The following DZANK1 variants were observed in gnomAD, a reference collection of about 807,000 sequenced individuals.
DZANK1 encodes double zinc ribbon and ankyrin repeat-containing protein 1.
A neutral mutation model predicts 94.5 loss-of-function variants in DZANK1; 91 were observed. The observed-to-expected ratio is 0.96, with a 90% confidence interval of 0.81 to 1.15. DZANK1 has a LOEUF of 1.15. DZANK1 is among the 50% of genes most tolerant of loss of function. DZANK1 has a pLI of 0.00. For missense variants in DZANK1, 903 were observed against 916.4 expected (o/e 0.99, Z 0.19); for synonymous variants, 312 against 325.3 (o/e 0.96, Z 0.44).
exon 12 of DZANK1, chr20:18,414,488 C>A (rs764008629): frequency 6.2e-7 from 1 of 1,611,500 alleles, no homozygotes; most frequent in South Asian, 1.1e-5. Flanking sequence ...TTAGGGCAAA[C>A]AGAACAGCCA....
chr20:18,454,188 C>T (rs2059204045), intron 4 of DZANK1: 1 of 372,350 alleles, frequency 2.7e-6, no homozygotes. Context: ...GACTTCTGCA[C>T]ACCACCTGCC....
chr20:18,396,665 CA>C, intron 14 of DZANK1, 119 bp from the exon 15 acceptor site: 1 of 646,856 alleles, frequency 1.5e-6, no homozygotes, highest in Non-Finnish European at 2.6e-6. Flanking sequence ...TTAATTAACA[CA>C]GAAGAAAGTA....
chr20:18,456,716 G>T (rs1264733054), intron 3 of DZANK1, among the ~76,000 whole-genome samples: 1 of 150,382 alleles, frequency 6.6e-6, no homozygotes, highest in Non-Finnish European at 1.5e-5. Context: ...GTTTTTTTTT[G>T]GAGACTCATC....
intron 10 of DZANK1, among the ~76,000 whole-genome samples, chr20:18,419,477 A>G (rs981154052): frequency 6.6e-6 from 1 of 152,200 alleles, no homozygotes; most frequent in Admixed American, 6.5e-5. Flanking sequence ...ACTTCACACT[A>G]AAGCACATTA....
chr20:18,414,114 G>C (rs1317798041), intron 12 of DZANK1, among the ~76,000 whole-genome samples: 1 of 152,212 alleles, frequency 6.6e-6, no homozygotes, highest in East Asian at 1.9e-4. Context: ...TTCAAGAGAA[G>C]TGCATTCTGT....
At chr20:18,448,888 T>TGG in intron 7 of DZANK1, 96 bp downstream of exon 7, 1 of 861,434 alleles carries the variant, frequency 1.2e-6, no homozygotes, top group Non-Finnish European at 1.7e-6. Context: ...AAAAAAAAAG[T>TGG]TGGAGGTGGG....
exon 16 of DZANK1, chr20:18,394,329 C>T (rs764727287): frequency 1.2e-6 from 2 of 1,613,754 alleles, no homozygotes; most frequent in Non-Finnish European, 1.7e-6. Context: ...CTGAAATTCA[C>T]TGCCTTGTTC....
intron 3 of DZANK1, among the ~76,000 whole-genome samples, chr20:18,457,547 T>A (rs2059332074): frequency 6.6e-6 from 1 of 152,110 alleles, no homozygotes; most frequent in Non-Finnish European, 1.5e-5. Context: ...GTATAAGCAG[T>A]CTAGAGCTAG....
chr20:18,438,971 T>C (rs2058632003), intron 8 of DZANK1, among the ~76,000 whole-genome samples: 1 of 152,194 alleles, frequency 6.6e-6, no homozygotes, highest in East Asian at 1.9e-4. Flanking sequence ...GGGGTTGGGA[T>C]TTCAACATAC....
At chr20:18,430,204 A>G (rs1457107185) in intron 9 of DZANK1, among the ~76,000 whole-genome samples, 10 of 152,180 alleles carry the variant, frequency 6.6e-5, no homozygotes, top group Admixed American at 2.0e-4. Context: ...CTTAATCTCA[A>G]AACTGACTAA....
At chr20:18,420,364 G>A (rs1209359000) in intron 10 of DZANK1, 5 of 168,100 alleles carry the variant, frequency 3.0e-5, no homozygotes, top group South Asian at 1.6e-4. Flanking sequence ...CCTTGAAAAC[G>A]TCATCCTCAG....
At chr20:18,448,727 C>T (rs1313970781) in intron 7 of DZANK1, among the ~76,000 whole-genome samples, 19 of 151,758 alleles carry the variant, frequency 1.3e-4, no homozygotes, top group East Asian at 5.8e-4. Context: ...ATTAGCTGGG[C>T]GTGGTGGCGC....
intron 19 of DZANK1, among the ~76,000 whole-genome samples, chr20:18,385,958 T>C (rs1348689601): frequency 2.0e-5 from 3 of 151,866 alleles, no homozygotes; most frequent in Admixed American, 6.6e-5. Context: ...GAGGCTGGAG[T>C]GGCGCCAGGA....
Position 18,449,063 on chromosome 20 carries a change from C to CG in DZANK1, c.549dup (p.Gly184ArgfsTer88), listed in dbSNP as rs773000773. On this transcript the variant is annotated frameshift_variant, in exon 7 of 21. Transcript: ENST00000262547. LOFTEE classifies it high-confidence loss of function. The stretch of plus-strand genomic sequence containing the variant: ...TTCTGACCGCTTACGTGTGCAAAAC[C>CG]GGGGGACTAAAATTAAGAATATAGG... The CG allele has an allele frequency of 1.2e-6, 2 of 1,613,450 alleles. No homozygotes were observed. Among genetic ancestry groups the CG allele is most frequent in the Non-Finnish European group, 1.7e-6 (2 of 1,179,694 alleles).
At chr20:18,447,522 T>C (rs1196621637) in intron 7 of DZANK1, among the ~76,000 whole-genome samples, 8 of 151,958 alleles carry the variant, frequency 5.3e-5, no homozygotes, top group Non-Finnish European at 8.8e-5. Context: ...GAGATGGGGT[T>C]TCACCATGTT....
At chr20:18,459,364 A>C (rs965810984) in intron 3 of DZANK1, among the ~76,000 whole-genome samples, 13 of 152,126 alleles carry the variant, frequency 8.5e-5, no homozygotes, top group African/African-American at 2.9e-4. Flanking sequence ...TTTGCTGTGG[A>C]ATGTGCAGCT....
chr20:18,455,716 C>G (rs1281561084), intron 3 of DZANK1, among the ~76,000 whole-genome samples: 1 of 152,186 alleles, frequency 6.6e-6, no homozygotes, highest in Non-Finnish European at 1.5e-5. Flanking sequence ...AATGACTTCT[C>G]TCAAATATGC....
At position 18,390,409 on chromosome 20, in the gene DZANK1, T is replaced by A. The variant is rs1430239042; in HGVS notation, c.1860A>T (p.Arg620Ser). 3.7e-6 allele frequency: 6 copies of A among 1,613,868 alleles called. No homozygotes were observed. In the African/African-American group the frequency reaches 8.0e-5, roughly 22 times the overall value. ...CCAGCAGCTGTTCAATCACAGAGAC[T>A]CTTCCTTCCCCCGTGGGTCCGACTT... The change falls in exon 18 of 21, where the codon AGA becomes AGT. Residue 620 changes from arginine (R) to serine (S), a missense_variant. Physicochemically the swap from Arg to Ser is moderately radical, Grantham distance 110 (BLOSUM62 -1). Transcript: ENST00000262547.
At chr20:18,451,363 C>A (rs2059094698) in intron 6 of DZANK1, among the ~76,000 whole-genome samples, 1 of 152,158 alleles carries the variant, frequency 6.6e-6, no homozygotes, top group African/African-American at 2.4e-5. Flanking sequence ...ATGATCTTCT[C>A]CTTGAAATTC....
Sources: gnomAD v4.1 joint callset for allele counts (sites outside exome capture counted in the v4.1 genomes callset) on GRCh38, gnomAD v4.1.1 for gene constraint, MANE v1.5 for transcripts, NCBI Gene and HGNC (gene_info 2026-07-23, HGNC 2026-07-21) for gene names.